Variants in ZNF644 observed in about 807,000 individuals in gnomAD.
ZNF644 encodes zinc finger protein 644, also known as zinc finger motif enhancer binding protein 2.
Under a neutral mutation model 108.0 loss-of-function variants are expected in ZNF644, and 20 were observed. The ratio of observed to expected loss-of-function variants is 0.19; its 90% CI spans 0.13 to 0.27. The LOEUF is 0.27. ZNF644 is among the 10% of genes least tolerant of loss of function. The pLI is 1.00. For missense variants in ZNF644, 1,338 were observed against 1,548.9 expected, an observed-to-expected ratio of 0.86 and a Z score of 2.29; for synonymous variants, 542 against 539.1, an observed-to-expected ratio of 1.01 and a Z score of -0.08.
At chr1:90,962,204 GA>G (rs775331780) in intron 2 of ZNF644, among the ~76,000 whole-genome samples, 15 of 151,904 alleles carry the variant, frequency 9.9e-5, no homozygotes, top group Non-Finnish European at 1.9e-4. Flanking sequence ...GGAAAGCAAT[GA>G]AACAAGAACA....
chr1:91,010,895 G>T (rs1159585065), intron 1 of ZNF644, among the ~76,000 whole-genome samples: 1 of 152,070 alleles, frequency 6.6e-6, no homozygotes, highest in Non-Finnish European at 1.5e-5. Flanking sequence ...CAAAAAAACT[G>T]AAATCTCCCA....
chr1:90,954,841 T>G (rs1557594429), intron 2 of ZNF644, among the ~76,000 whole-genome samples: 1 of 152,248 alleles, frequency 6.6e-6, no homozygotes, highest in Non-Finnish European at 1.5e-5. Flanking sequence ...CATATTAATG[T>G]TGATATTTTG....
intron 1 of ZNF644, among the ~76,000 whole-genome samples, chr1:91,019,335 T>C (rs1287804176): frequency 6.6e-6 from 1 of 152,242 alleles, no homozygotes; most frequent in Non-Finnish European, 1.5e-5. Context: ...TCTCATTTCT[T>C]TTCCTACATA....
intron 2 of ZNF644, among the ~76,000 whole-genome samples, chr1:90,948,938 CATT>C (rs1487786415): frequency 1.8e-4 from 27 of 152,148 alleles, no homozygotes; most frequent in African/African-American, 6.3e-4. Flanking sequence ...AATAATCTGT[CATT>C]ATAAAAGTTC....
intron 4 of ZNF644, among the ~76,000 whole-genome samples, chr1:90,934,506 T>C (rs1380369101): frequency 1.3e-5 from 2 of 152,016 alleles, no homozygotes; most frequent in Non-Finnish European, 2.9e-5. Flanking sequence ...GAAATGAGAT[T>C]TGCTGAAGCA....
At chr1:90,945,997 T>C (rs1652476952) in intron 2 of ZNF644, among the ~76,000 whole-genome samples, 1 of 152,024 alleles carries the variant, frequency 6.6e-6, no homozygotes, top group Non-Finnish European at 1.5e-5. Context: ...ATCTGTCAGG[T>C]TTTCACAAAC....
intron 1 of ZNF644, among the ~76,000 whole-genome samples, chr1:91,002,476 A>G (rs1190896360): frequency 2.6e-5 from 4 of 152,238 alleles, no homozygotes; most frequent in Admixed American, 2.6e-4. Context: ...GGCTAGCCAT[A>G]TGTAGAAAGC....
intron 2 of ZNF644, among the ~76,000 whole-genome samples, chr1:90,956,490 A>G (rs549456863): frequency 6.6e-6 from 1 of 152,294 alleles, no homozygotes; most frequent in Admixed American, 6.5e-5. Context: ...CAATCTTGAC[A>G]CAAATGAAAA....
intron 1 of ZNF644, among the ~76,000 whole-genome samples, chr1:91,005,776 T>C (rs1480289933): frequency 6.6e-6 from 1 of 151,868 alleles, no homozygotes; most frequent in African/African-American, 2.4e-5. Flanking sequence ...GTAAACGCAA[T>C]GCTTACAGGG....
chr1:90,982,106 A>C (rs1434522754), intron 2 of ZNF644, among the ~76,000 whole-genome samples: 1 of 152,076 alleles, frequency 6.6e-6, no homozygotes, highest in Non-Finnish European at 1.5e-5. Flanking sequence ...GGAAACTAAA[A>C]ATTTAGTTCC....
intron 1 of ZNF644, among the ~76,000 whole-genome samples, chr1:91,014,830 AAGGATATATATGTAAGAAGAAC>A (rs1307237550): frequency 1.3e-5 from 2 of 152,192 alleles, no homozygotes; most frequent in African/African-American, 4.8e-5. Context: ...AACTAGGTAA[AAGGATATATATGTAAGAAGAAC>A]AGGAAGGTAG....
chr1:90,949,334 C>T (rs1652847491), intron 2 of ZNF644, among the ~76,000 whole-genome samples: 1 of 151,948 alleles, frequency 6.6e-6, no homozygotes, highest in African/African-American at 2.4e-5. Flanking sequence ...AATGTGAACT[C>T]TTGAAATATT....
intron 1 of ZNF644, among the ~76,000 whole-genome samples, chr1:90,989,427 C>T (rs1657422652): frequency 6.6e-6 from 1 of 152,052 alleles, no homozygotes. Context: ...TTTGTAGTAC[C>T]AGCTACTTGA....
At chr1:90,933,574 G>T (rs1309121745) in intron 4 of ZNF644, among the ~76,000 whole-genome samples, 1 of 152,108 alleles carries the variant, frequency 6.6e-6, no homozygotes, top group Non-Finnish European at 1.5e-5. Flanking sequence ...TGAGGCAGGG[G>T]AATTGCTTGA....
chr1:90,988,625 G>C (rs1386631085), intron 1 of ZNF644, among the ~76,000 whole-genome samples: 1 of 152,134 alleles, frequency 6.6e-6, no homozygotes, highest in Non-Finnish European at 1.5e-5. Flanking sequence ...TACATGTCCT[G>C]ATTTCAAAAC....
intron 2 of ZNF644, among the ~76,000 whole-genome samples, chr1:90,968,434 G>T (rs1184104549): frequency 2.6e-5 from 4 of 152,112 alleles, no homozygotes; most frequent in Non-Finnish European, 5.9e-5. Flanking sequence ...CGGTTTTGGG[G>T]GGGGAGCCTC....
rs775757238 is a variant in ZNF644, at chr1:90,937,594, G to C, written c.3579C>G (p.Ile1193Met). ...ATCTCTTTCTTGCTGTCTGATTATG[G>C]ATCTTTTGAGGAGAAATAGCAGAAT... is the stretch of plus-strand genomic sequence containing the variant. Reference protein sequence around the residue: ...ERNSAISPQKIHNQTARKRFV... With the variant: ...ERNSAISPQKMHNQTARKRFV... The change falls in exon 4 of 6, where the codon ATC becomes ATG. Residue 1193 changes from isoleucine to methionine, a missense_variant. Physicochemically the swap from Ile to Met is conservative, Grantham distance 10. This residue lies in a region of ZNF644 where 287 missense variants were observed against 310.9 expected (regional missense o/e 0.92). Coordinates refer to ENST00000337393, the MANE Select transcript of ZNF644 (RefSeq NM_201269.3). 3.1e-6 allele frequency: 5 copies of C among 1,613,832 alleles called. No homozygotes were observed. The highest frequency in any genetic ancestry group is 4.2e-6 in the Non-Finnish European group (5 of 1,179,826).
At chr1:90,932,619 G>A (rs1041793233) in intron 4 of ZNF644, among the ~76,000 whole-genome samples, 4 of 152,024 alleles carry the variant, frequency 2.6e-5, no homozygotes, top group African/African-American at 7.2e-5. Context: ...CAGTGATATT[G>A]ATATGGGGGA....
chr1:90,939,876 C>T lies in ZNF644; in HGVS notation c.1478G>A (p.Ser493Asn). Residue 493 changes from serine to asparagine, a missense_variant, in exon 3 of 6, where the codon AGT (serine) becomes AAT (asparagine). By Grantham distance (46) the Ser-to-Asn change is conservative (BLOSUM62 1). Coordinates refer to ENST00000337393, the MANE Select transcript of ZNF644 (RefSeq NM_201269.3). The stretch of plus-strand genomic sequence containing the variant: ...ACACTGAGGACACTGTAATCGTGCA[C>T]TTCTTCCTTCATCCTGAAGTTCTTT... ...ELKELQDEGRSARLQCPQCVF... is the reference protein window; with the variant it reads ...ELKELQDEGRNARLQCPQCVF... The T allele has an allele frequency of 6.2e-7, 1 of 1,614,088 alleles. No individual in the cohort carries two copies. The highest frequency in any genetic ancestry group is 8.5e-7 in the Non-Finnish European group (1 of 1,179,964).
Sources: allele counts gnomAD v4.1 joint callset (sites outside exome capture counted in the v4.1 genomes callset), GRCh38; gene constraint gnomAD v4.1.1; regional missense constraint gnomAD v4.1.1; transcripts MANE v1.5; gene names NCBI Gene and HGNC (gene_info 2026-07-23, HGNC 2026-07-21).